Variants in DZIP3 observed in about 807,000 individuals in gnomAD.
DZIP3 encodes DAZ interacting zinc finger protein 3, also known as E3 ubiquitin-protein ligase DZIP3.
DZIP3 carries 118 observed loss-of-function variants against 162.0 expected under a neutral mutation model. That is an observed-to-expected ratio of 0.73 (90% confidence interval 0.63 to 0.85). DZIP3 has a LOEUF of 0.85. Among genes scored for constraint, DZIP3 ranks in the 40% least tolerant of loss-of-function variants. The probability of loss-of-function intolerance (pLI) is 0.00; values close to 1 mark genes in which losing one functional copy is unlikely to be tolerated. For missense variants in DZIP3, 1,331 were observed against 1,407.0 expected, an observed-to-expected ratio of 0.95 and a Z score of 0.86; for synonymous variants, 438 against 458.6, an observed-to-expected ratio of 0.96 and a Z score of 0.57.
chr3:108,625,007 T>A (rs1219886029), intron 6 of DZIP3, among the ~76,000 whole-genome samples: 1 of 152,202 alleles, frequency 6.6e-6, no homozygotes, highest in East Asian at 1.9e-4. Context: ...TAAATATGAC[T>A]TGTTAATTAG....
At chr3:108,654,027 A>G in intron 18 of DZIP3, 118 bp from the exon 19 acceptor site, 1 of 1,054,888 alleles carries the variant, frequency 9.5e-7, no homozygotes, top group South Asian at 1.6e-5. Flanking sequence ...TTGATCATGA[A>G]CCCTTCTAAT....
Position 108,688,599 on chromosome 3 carries a change from G to A in DZIP3, c.3277G>A (p.Gly1093Arg). 6.2e-7 allele frequency: 1 copy of A among 1,609,682 alleles called. No homozygotes were observed. Among genetic ancestry groups the A allele is most frequent in the Non-Finnish European group, 8.5e-7 (1 of 1,178,898 alleles). The change falls in exon 30 of 33, where the codon GGA becomes AGA. Residue 1093 changes from glycine to arginine, a missense_variant. Gly to Arg is a moderately radical substitution (Grantham distance 125, BLOSUM62 -2). Transcript: ENST00000361582. ...ATTATGTTCTTATTTTCAGAGTCAA[G>A]GAAAATCAGTGTCAAATGTTAATTG... ...FIDPKKSQSQGKSVSNVNCVS... is the reference protein window; with the variant it reads ...FIDPKKSQSQRKSVSNVNCVS...
At chr3:108,688,971 T>C in intron 31 of DZIP3, 47 bp downstream of exon 31, 2 of 1,518,548 alleles carry the variant, frequency 1.3e-6, no homozygotes, top group Non-Finnish European at 1.8e-6. Context: ...AGATTCATAC[T>C]GCCTTACTTA....
At chr3:108,635,802 G>T (rs966110427) in intron 10 of DZIP3, among the ~76,000 whole-genome samples, 1 of 151,530 alleles carries the variant, frequency 6.6e-6, no homozygotes, top group African/African-American at 2.4e-5. Flanking sequence ...ATGACTGTAA[G>T]TTGGGTCTAT....
intron 1 of DZIP3, among the ~76,000 whole-genome samples, chr3:108,597,485 T>C (rs982889965): frequency 1.3e-5 from 2 of 152,150 alleles, no homozygotes; most frequent in Admixed American, 6.6e-5. Flanking sequence ...GAAAATGATA[T>C]ACTTTTAAGT....
At chr3:108,589,529 G>C (rs1304734853), upstream of DZIP3, 7 of 546,970 alleles carry the variant, frequency 1.3e-5, no homozygotes, top group Non-Finnish European at 2.3e-5. Context: ...GCACCCTAGG[G>C]GACCGTTCTC....
chr3:108,609,612 G>A (rs571859461), intron 3 of DZIP3, among the ~76,000 whole-genome samples: 5 of 152,254 alleles, frequency 3.3e-5, no homozygotes, highest in African/African-American at 7.2e-5. Context: ...TAATGTGGGC[G>A]GATTGATTGC....
intron 23 of DZIP3, 41 bp downstream of exon 23, chr3:108,672,697 A>T: frequency 1.3e-6 from 2 of 1,484,256 alleles, no homozygotes; most frequent in Non-Finnish European, 1.9e-6. Context: ...GTGAGGGGAA[A>T]AGTTTTACTT....
chr3:108,608,825 A>G (rs1187683040), intron 3 of DZIP3, among the ~76,000 whole-genome samples: 2 of 152,206 alleles, frequency 1.3e-5, no homozygotes, highest in South Asian at 2.1e-4. Context: ...TAATAAGTGT[A>G]TTAGTCTGTT....
At chr3:108,601,951 A>C (rs568755104) in intron 1 of DZIP3, among the ~76,000 whole-genome samples, 1 of 152,170 alleles carries the variant, frequency 6.6e-6, no homozygotes, top group African/African-American at 2.4e-5. Flanking sequence ...TCAGTCAGGG[A>C]GATAGATTTG....
chr3:108,636,579 T>A, intron 10 of DZIP3, 37 bp from the exon 11 acceptor site: 1 of 1,382,728 alleles, frequency 7.2e-7, no homozygotes, highest in Non-Finnish European at 9.8e-7. Context: ...ATCAGTGATT[T>A]TTTTCTATTT....
chr3:108,682,515 A>G lies in DZIP3; in HGVS notation c.2884-1701A>G, dbSNP rs1033400811. ...TTATGTTAAGTTAAATAAGCCAGAC[A>G]CAGAAAGACAAATACTACCTGATCC... On this transcript the variant is annotated intron_variant, in intron 26 of 32. Coordinates refer to ENST00000361582, the MANE Select transcript of DZIP3 (RefSeq NM_014648.4). Among the ~76,000 whole-genome samples the G allele has an allele frequency of 6.0e-5, 9 of 150,964 alleles. 1 individual carries two copies. Among genetic ancestry groups the G allele is most frequent in the African/African-American group, 2.2e-4 (9 of 40,310 alleles).
intron 1 of DZIP3, among the ~76,000 whole-genome samples, chr3:108,593,911 C>T (rs568502373): frequency 1.1e-4 from 16 of 151,910 alleles, no homozygotes; most frequent in African/African-American, 1.9e-4. Flanking sequence ...GTGATCCGCT[C>T]GCCTCAGCTT....
intron 12 of DZIP3, among the ~76,000 whole-genome samples, chr3:108,638,648 A>G (rs1251511618): frequency 6.6e-6 from 1 of 151,996 alleles, no homozygotes; most frequent in Non-Finnish European, 1.5e-5. Flanking sequence ...ATTTCTTCCT[A>G]TTTCTACCCT....
chr3:108,628,941 G>A (rs1941705726), intron 7 of DZIP3, 121 bp from the exon 8 acceptor site: 2 of 564,212 alleles, frequency 3.5e-6, no homozygotes, highest in Non-Finnish European at 6.2e-6. Flanking sequence ...TATTTCTATG[G>A]CATGCCAGAG....
intron 3 of DZIP3, among the ~76,000 whole-genome samples, chr3:108,609,981 A>G (rs1209263118): frequency 6.6e-6 from 1 of 152,172 alleles, no homozygotes; most frequent in Non-Finnish European, 1.5e-5. Context: ...TATATGCACT[A>G]CTGATATTGG....
chr3:108,676,394 T>C (rs1374808193), intron 25 of DZIP3, among the ~76,000 whole-genome samples: 1 of 152,076 alleles, frequency 6.6e-6, no homozygotes, highest in Admixed American at 6.6e-5. Context: ...GAAAATCAAG[T>C]AGGCCTGTAT....
At chr3:108,637,778 T>G (rs572533682) in intron 12 of DZIP3, among the ~76,000 whole-genome samples, 1 of 152,206 alleles carries the variant, frequency 6.6e-6, no homozygotes, top group African/African-American at 2.4e-5. Context: ...CCATTAAATA[T>G]GAAAATAATC....
chr3:108,645,479 A>G (rs1942583947), intron 14 of DZIP3, among the ~76,000 whole-genome samples: 1 of 152,150 alleles, frequency 6.6e-6, no homozygotes, highest in South Asian at 2.1e-4. Flanking sequence ...GCCACTCCCA[A>G]ACTTGTCTAT....
Sources: allele counts gnomAD v4.1 joint callset (sites outside exome capture counted in the v4.1 genomes callset), GRCh38; gene constraint gnomAD v4.1.1; transcripts MANE v1.5; gene names NCBI Gene and HGNC (gene_info 2026-07-23, HGNC 2026-07-21).